The following SGSM1 variants were observed in gnomAD, a reference collection of about 807,000 sequenced individuals.
SGSM1 encodes the protein small G protein signaling modulator 1.
SGSM1 carries 73 observed loss-of-function variants against 133.8 expected under a neutral mutation model. That is an observed-to-expected ratio of 0.55 (90% CI 0.45 to 0.66). The LOEUF (loss-of-function observed/expected upper bound fraction) is 0.66, where lower values mean the gene tolerates loss of function less well. SGSM1 is among the 30% of genes least tolerant of loss of function. SGSM1 has a pLI of 0.00. For missense variants in SGSM1, 1,213 were observed against 1,448.1 expected, an observed-to-expected ratio of 0.84 and a Z score of 2.64; for synonymous variants, 563 against 573.0, an observed-to-expected ratio of 0.98 and a Z score of 0.25.
chr22:24,886,526 A>G (rs1231410468), intron 15 of SGSM1, 74 bp from the exon 16 acceptor site: 1 of 1,514,038 alleles, frequency 6.6e-7, no homozygotes, highest in Non-Finnish European at 8.9e-7. Flanking sequence ...CAACATGGTG[A>G]AACCCCATCC....
At chr22:24,879,585 T>C in intron 14 of SGSM1, 59 bp downstream of exon 14, 1 of 1,512,648 alleles carries the variant, frequency 6.6e-7, no homozygotes, top group Non-Finnish European at 9.1e-7. Flanking sequence ...GTGCCTGCTG[T>C]ATGCCAGCAA....
At chr22:24,877,247 A>G (rs1932068768) in intron 13 of SGSM1, among the ~76,000 whole-genome samples, 1 of 152,170 alleles carries the variant, frequency 6.6e-6, no homozygotes, top group African/African-American at 2.4e-5. Flanking sequence ...TTTAACAACA[A>G]CCACATCTCA....
intron 2 of SGSM1, among the ~76,000 whole-genome samples, chr22:24,811,855 C>G (rs542431182): frequency 3.3e-4 from 43 of 129,818 alleles, no homozygotes; most frequent in African/African-American, 1.3e-3. Context: ...GGCAACAGAG[C>G]GAGACCCTGT....
intron 2 of SGSM1, 91 bp downstream of exon 2, chr22:24,806,575 G>C: frequency 7.1e-7 from 1 of 1,411,154 alleles, no homozygotes. Flanking sequence ...GGCCTCTGGC[G>C]GCGGGGGGGC....
In SGSM1 at chr22:24,898,580, G is replaced by A. The variant is rs139224084; in HGVS notation, c.2610+21G>A. ...ACTCTGTAAGTCACCAGGACCCTCC[G>A]TTCCATTTCCTTCTTTCCAGCTGCA... is the stretch of plus-strand genomic sequence containing the variant. On this transcript the variant is annotated intron_variant, in intron 19 of 24. Coordinates refer to ENST00000400358, the MANE Select transcript of SGSM1 (RefSeq NM_001098497.3). 1.4e-4 allele frequency: 220 copies of A among 1,564,164 alleles called. 2 individuals carry two copies. Among genetic ancestry groups the A allele is most frequent in the African/African-American group, 1.4e-3 (102 of 73,420 alleles).
At chr22:24,888,112 C>G (rs920036990) in intron 16 of SGSM1, among the ~76,000 whole-genome samples, 6 of 152,056 alleles carry the variant, frequency 3.9e-5, no homozygotes, top group African/African-American at 1.4e-4. Context: ...TGTTCAGATA[C>G]GTGATTGGCA....
At chr22:24,833,911 G>A (rs966894010) in intron 2 of SGSM1, among the ~76,000 whole-genome samples, 3 of 152,264 alleles carry the variant, frequency 2.0e-5, no homozygotes, top group South Asian at 2.1e-4. Flanking sequence ...GACAGAGCTA[G>A]AACTTTCCAA....
chr22:24,831,182 G>A (rs527518641), intron 2 of SGSM1, among the ~76,000 whole-genome samples: 7 of 152,038 alleles, frequency 4.6e-5, no homozygotes, highest in Non-Finnish European at 8.8e-5. Context: ...AACACCAGGA[G>A]GTGGAGCGCA....
intron 21 of SGSM1, among the ~76,000 whole-genome samples, chr22:24,908,948 AGCCCTGT>A (rs1933515931): frequency 6.6e-6 from 1 of 152,228 alleles, no homozygotes; most frequent in Non-Finnish European, 1.5e-5. Flanking sequence ...CGGGGCCCCA[AGCCCTGT>A]GCCACAGACA....
At chr22:24,881,715 CTCA>C (rs981389102) in intron 14 of SGSM1, among the ~76,000 whole-genome samples, 3 of 152,328 alleles carry the variant, frequency 2.0e-5, no homozygotes, top group East Asian at 1.9e-4. Context: ...CCTCCTCCTC[CTCA>C]TCATCATCAC....
At chr22:24,903,752 A>G (rs1295144681) in intron 20 of SGSM1, among the ~76,000 whole-genome samples, 1 of 152,054 alleles carries the variant, frequency 6.6e-6, no homozygotes, top group Non-Finnish European at 1.5e-5. Flanking sequence ...CGGCCAGATC[A>G]CCTGAGGTCA....
intron 21 of SGSM1, among the ~76,000 whole-genome samples, chr22:24,906,074 G>A (rs1270632449): frequency 6.6e-6 from 1 of 152,002 alleles, no homozygotes; most frequent in African/African-American, 2.4e-5. Context: ...CCATGACCAA[G>A]TAGGGCTTAT....
chr22:24,898,607 G>A, intron 19 of SGSM1, 48 bp downstream of exon 19: 1 of 1,531,234 alleles, frequency 6.5e-7, no homozygotes, highest in Non-Finnish European at 8.8e-7. Flanking sequence ...CCAGCTGCAG[G>A]AGGGTGGGAT....
At chr22:24,876,487 G>T in intron 12 of SGSM1, 90 bp from the exon 13 acceptor site, 1 of 1,532,432 alleles carries the variant, frequency 6.5e-7, no homozygotes, top group Non-Finnish European at 9.0e-7. Flanking sequence ...TGGCTGGGGC[G>T]GGTGAGCTGC....
chr22:24,810,409 T>G lies in SGSM1; in HGVS notation c.63+3925T>G, dbSNP rs116855994. ...TGGAAACAAGGTGGCCTCAGCGTGA[T>G]TTCCTCCAGTTAAATCTGACCAGCT... On this transcript the variant is annotated intron_variant, in intron 2 of 24. Coordinates refer to ENST00000400358, the MANE Select transcript of SGSM1 (RefSeq NM_001098497.3). Among the ~76,000 whole-genome samples, 28 of 151,798 alleles carry G rather than the reference T, an allele frequency of 1.8e-4. No individual in the cohort carries two copies. The East Asian group carries it at 5.4e-3, about 29-fold the overall frequency.
At chr22:24,815,702 C>T (rs186196314) in intron 2 of SGSM1, among the ~76,000 whole-genome samples, 175 of 152,212 alleles carry the variant, frequency 1.1e-3, no homozygotes, top group African/African-American at 3.9e-3. Context: ...GACGAGATGG[C>T]GCCACTGGAG....
At chr22:24,837,565 C>G (rs1243075596) in intron 2 of SGSM1, among the ~76,000 whole-genome samples, 4 of 129,552 alleles carry the variant, frequency 3.1e-5, no homozygotes, top group Middle Eastern at 4.1e-3. Context: ...TAAACTCCCC[C>G]GGGGAAAGGG....
At chr22:24,816,246 G>A (rs1386964967) in intron 2 of SGSM1, among the ~76,000 whole-genome samples, 1 of 152,162 alleles carries the variant, frequency 6.6e-6, no homozygotes, top group Non-Finnish European at 1.5e-5. Flanking sequence ...GAGAGGCTAA[G>A]AAACTGAACC....
chr22:24,889,986 T>C (rs1420062227), intron 16 of SGSM1, among the ~76,000 whole-genome samples: 3 of 142,042 alleles, frequency 2.1e-5, no homozygotes, highest in African/African-American at 8.1e-5. Context: ...AGACGGAGTC[T>C]TGCTCTGTCG....
Sources: allele counts gnomAD v4.1 joint callset (sites outside exome capture counted in the v4.1 genomes callset), GRCh38; gene constraint gnomAD v4.1.1; transcripts MANE v1.5; gene names NCBI Gene and HGNC (gene_info 2026-07-23, HGNC 2026-07-21).